LRFN2: variants seen among roughly 807,000 people sequenced by gnomAD.
LRFN2 encodes leucine rich repeat and fibronectin type III domain containing 2, also known as leucine-rich repeat and fibronectin type-III domain-containing protein 2.
A neutral mutation model predicts 37.3 loss-of-function variants in LRFN2; 18 were observed. The ratio of observed to expected loss-of-function variants is 0.48; its 90% CI spans 0.33 to 0.72. LRFN2 has a LOEUF of 0.72. Among genes scored for constraint, LRFN2 ranks in the 30% least tolerant of loss-of-function variants. The pLI is 0.02. For synonymous variants in LRFN2, 556 were observed against 466.6 expected, an observed-to-expected ratio of 1.19 and a Z score of -2.47; for missense variants, 1,006 against 1,060.7, an observed-to-expected ratio of 0.95 and a Z score of 0.72.
chr6:40,579,613 AACACACACACAC>A (rs34819147), intron 1 of LRFN2, among the ~76,000 whole-genome samples: 1 of 144,970 alleles, frequency 6.9e-6, no homozygotes, highest in Non-Finnish European at 1.5e-5. Flanking sequence ...AACACACACA[AACACACACACAC>A]ACACACACAC....
chr6:40,394,829 G>A (rs893539152), intron 2 of LRFN2, among the ~76,000 whole-genome samples: 1 of 152,142 alleles, frequency 6.6e-6, no homozygotes, highest in African/African-American at 2.4e-5. Flanking sequence ...ATAAAGGGGA[G>A]TTTCCCTGCA....
chr6:40,563,240 C>T (rs1285847450), intron 1 of LRFN2, among the ~76,000 whole-genome samples: 6 of 152,268 alleles, frequency 3.9e-5, no homozygotes, highest in Admixed American at 2.0e-4. Flanking sequence ...TCTCTGCATC[C>T]GCTCAGTTGC....
chr6:40,520,836 G>T (rs1270176541), intron 1 of LRFN2, among the ~76,000 whole-genome samples: 2 of 152,100 alleles, frequency 1.3e-5, no homozygotes, highest in African/African-American at 4.8e-5. Flanking sequence ...AGCTGGGGAG[G>T]CTGCCAACCC....
intron 1 of LRFN2, among the ~76,000 whole-genome samples, chr6:40,567,147 G>A (rs903034445): frequency 3.9e-5 from 6 of 152,172 alleles, no homozygotes; most frequent in Admixed American, 3.9e-4. Flanking sequence ...AGGATCCAAG[G>A]TCAGCCTGAG....
At chr6:40,477,074 T>A (rs193136350) in intron 1 of LRFN2, among the ~76,000 whole-genome samples, 1 of 152,216 alleles carries the variant, frequency 6.6e-6, no homozygotes, top group Admixed American at 6.5e-5. Context: ...CAACCACATA[T>A]TAGACTTACA....
chr6:40,544,557 C>T (rs921066565), intron 1 of LRFN2, among the ~76,000 whole-genome samples: 2 of 152,172 alleles, frequency 1.3e-5, no homozygotes, highest in African/African-American at 4.8e-5. Context: ...CTCCCCTTCC[C>T]AAACCCTGGA....
chr6:40,460,817 C>T (rs1162708005), intron 1 of LRFN2, among the ~76,000 whole-genome samples: 4 of 152,188 alleles, frequency 2.6e-5, no homozygotes, highest in African/African-American at 7.2e-5. Context: ...GATGCAGTGA[C>T]ATCTTTATGC....
At chr6:40,558,773 C>A (rs1766937749) in intron 1 of LRFN2, among the ~76,000 whole-genome samples, 4 of 152,234 alleles carry the variant, frequency 2.6e-5, no homozygotes, top group African/African-American at 7.2e-5. Flanking sequence ...CACAAAACCT[C>A]TGTGAGGTTA....
chr6:40,557,309 A>G (rs1766908906), intron 1 of LRFN2, among the ~76,000 whole-genome samples: 1 of 152,246 alleles, frequency 6.6e-6, no homozygotes, highest in Non-Finnish European at 1.5e-5. Flanking sequence ...TCTCTCAGAG[A>G]TAAAGCATAA....
chr6:40,573,578 T>C (rs1312617108), intron 1 of LRFN2, among the ~76,000 whole-genome samples: 1 of 152,186 alleles, frequency 6.6e-6, no homozygotes, highest in Admixed American at 6.5e-5. Context: ...GCAGTGGATA[T>C]CAGAAACAAC....
At position 40,456,553 on chromosome 6, in the gene LRFN2, T is replaced by C. The variant is rs545982801; in HGVS notation, c.-18-23422A>G. Among the ~76,000 whole-genome samples the C allele has an allele frequency of 5.9e-5, 9 of 152,374 alleles. No homozygotes were observed. The East Asian group carries it at 1.5e-3, about 26-fold the overall frequency. On this transcript the variant is annotated intron_variant, in intron 1 of 2. Coordinates refer to ENST00000338305, the MANE Select transcript of LRFN2 (RefSeq NM_020737.3). ...CAAGGCCACAAAATAATGATCGTGC[T>C]GCTGCTGCGTGGCAATGCCTTGTGT... is the stretch of plus-strand genomic sequence containing the variant.
At chr6:40,437,760 G>C (rs1162642320) in intron 1 of LRFN2, among the ~76,000 whole-genome samples, 1 of 152,124 alleles carries the variant, frequency 6.6e-6, no homozygotes, top group Non-Finnish European at 1.5e-5. Context: ...AGGTTGCAAG[G>C]GCTCTCTCTT....
intron 1 of LRFN2, among the ~76,000 whole-genome samples, chr6:40,560,719 G>A (rs1321032041): frequency 6.6e-6 from 1 of 152,202 alleles, no homozygotes; most frequent in East Asian, 1.9e-4. Flanking sequence ...GGACAGAGCA[G>A]AATAGAATAG....
At chr6:40,482,493 T>C (rs544270999) in intron 1 of LRFN2, among the ~76,000 whole-genome samples, 104 of 152,298 alleles carry the variant, frequency 6.8e-4, no homozygotes, top group African/African-American at 2.3e-3. Flanking sequence ...CCCAGCCATC[T>C]CCAGCACTCC....
At chr6:40,442,346 C>G (rs1470199518) in intron 1 of LRFN2, among the ~76,000 whole-genome samples, 1 of 152,182 alleles carries the variant, frequency 6.6e-6, no homozygotes, top group South Asian at 2.1e-4. Flanking sequence ...CTTTTTCAAC[C>G]TACACAGGAT....
chr6:40,427,435 C>G (rs766471441), intron 2 of LRFN2, among the ~76,000 whole-genome samples: 2 of 152,194 alleles, frequency 1.3e-5, no homozygotes, highest in Non-Finnish European at 2.9e-5. Flanking sequence ...AGGACTTTTT[C>G]CAACTGGACC....
At chr6:40,530,201 C>T (rs1463807385) in intron 1 of LRFN2, among the ~76,000 whole-genome samples, 3 of 152,180 alleles carry the variant, frequency 2.0e-5, no homozygotes, top group Non-Finnish European at 4.4e-5. Flanking sequence ...CTCGGGGAAA[C>T]CTCATTCTTC....
chr6:40,559,127 G>A (rs1267088600), intron 1 of LRFN2, among the ~76,000 whole-genome samples: 1 of 152,056 alleles, frequency 6.6e-6, no homozygotes, highest in African/African-American at 2.4e-5. Flanking sequence ...GATATTGGGG[G>A]GAGGATGGAT....
intron 1 of LRFN2, among the ~76,000 whole-genome samples, chr6:40,434,490 T>G (rs984541751): frequency 6.6e-6 from 1 of 151,750 alleles, no homozygotes; most frequent in Non-Finnish European, 1.5e-5. Context: ...TTCTTTTTTT[T>G]TTTTTTGAGA....
Sources: gnomAD v4.1 joint callset for allele counts (sites outside exome capture counted in the v4.1 genomes callset) on GRCh38, gnomAD v4.1.1 for gene constraint, MANE v1.5 for transcripts, NCBI Gene and HGNC (gene_info 2026-07-23, HGNC 2026-07-21) for gene names.